RASAL2: variants seen among roughly 807,000 people sequenced by gnomAD.
RASAL2 encodes ras GTPase-activating protein nGAP.
A neutral mutation model predicts 128.9 loss-of-function variants in RASAL2; 58 were observed. The ratio of observed to expected loss-of-function variants is 0.45; its 90% confidence interval spans 0.36 to 0.56. The LOEUF is 0.56. RASAL2 is among the 20% of genes least tolerant of loss of function. The pLI, the probability that RASAL2 is intolerant of heterozygous loss-of-function variation, is 0.00. For missense variants in RASAL2, 1,360 were observed against 1,601.6 expected (o/e 0.85, Z 2.57); for synonymous variants, 561 against 580.8 (o/e 0.97, Z 0.49).
At chr1:178,340,118 C>A (rs1322634510) in intron 3 of RASAL2, among the ~76,000 whole-genome samples, 2 of 151,958 alleles carry the variant, frequency 1.3e-5, no homozygotes, top group Non-Finnish European at 2.9e-5. Context: ...ACTATGTGCT[C>A]CTCATTTTAA....
In RASAL2 at chr1:178,258,065, C is replaced by T. The variant is rs576814363; in HGVS notation, c.203-25499C>T. Reference sequence around the variant, plus strand: ...ATCCCAGCACTTTGGGAGGTCAAGGCGGGCGGATCATGAGGTCAGGAGATG... The same window carrying T: ...ATCCCAGCACTTTGGGAGGTCAAGGTGGGCGGATCATGAGGTCAGGAGATG... On this transcript the variant is annotated intron_variant, in intron 1 of 17. Coordinates refer to ENST00000367649, the MANE Select transcript of RASAL2 (RefSeq NM_170692.4). 1.1e-3 allele frequency among the ~76,000 whole-genome samples: 167 copies of T among 151,918 alleles called. 1 individual carries two copies. Among genetic ancestry groups the T allele is most frequent in the African/African-American group, 3.7e-3 (155 of 41,472 alleles).
chr1:178,253,789 T>G (rs148630568), intron 1 of RASAL2, among the ~76,000 whole-genome samples: 3 of 152,172 alleles, frequency 2.0e-5, no homozygotes, highest in African/African-American at 7.2e-5. Flanking sequence ...CCATTTTCAC[T>G]TCTTTTATGG....
intron 1 of RASAL2, among the ~76,000 whole-genome samples, chr1:178,246,373 A>G (rs1031194935): frequency 3.3e-5 from 5 of 151,872 alleles, no homozygotes; most frequent in African/African-American, 4.8e-5. Flanking sequence ...CTGCTTGTCT[A>G]TTATTGGTGT....
At chr1:178,293,181 G>A (rs558183231) in intron 2 of RASAL2, among the ~76,000 whole-genome samples, 3 of 151,948 alleles carry the variant, frequency 2.0e-5, no homozygotes, top group Admixed American at 6.6e-5. Context: ...TTTCTCCCCC[G>A]TAACAAATTT....
At chr1:178,413,238 G>A (rs1456706044) in intron 4 of RASAL2, among the ~76,000 whole-genome samples, 2 of 152,170 alleles carry the variant, frequency 1.3e-5, no homozygotes, top group African/African-American at 4.8e-5. Context: ...GGGATTACAG[G>A]CATGAGCCAC....
At chr1:178,176,312 C>G (rs1661889752) in intron 1 of RASAL2, among the ~76,000 whole-genome samples, 1 of 151,976 alleles carries the variant, frequency 6.6e-6, no homozygotes, top group South Asian at 2.1e-4. Context: ...TTGCATTTCC[C>G]TGATGTTGAG....
intron 1 of RASAL2, among the ~76,000 whole-genome samples, chr1:178,241,368 A>G (rs971069182): frequency 9.2e-5 from 14 of 152,206 alleles, no homozygotes; most frequent in South Asian, 4.1e-4. Flanking sequence ...GTAATTTTCA[A>G]TCTCTTTCAC....
At chr1:178,378,442 G>T (rs1478823474) in intron 3 of RASAL2, among the ~76,000 whole-genome samples, 2 of 152,032 alleles carry the variant, frequency 1.3e-5, no homozygotes, top group Non-Finnish European at 2.9e-5. Flanking sequence ...ATTCAAAAAT[G>T]CAGTAAGCTT....
intron 1 of RASAL2, among the ~76,000 whole-genome samples, chr1:178,244,182 T>C (rs1446995971): frequency 6.6e-6 from 1 of 152,184 alleles, no homozygotes; most frequent in Non-Finnish European, 1.5e-5. Flanking sequence ...GGGGATAGTA[T>C]TAAGTTGTAT....
At chr1:178,370,560 A>G (rs1399843490) in intron 3 of RASAL2, among the ~76,000 whole-genome samples, 3 of 152,196 alleles carry the variant, frequency 2.0e-5, no homozygotes, top group African/African-American at 4.8e-5. Flanking sequence ...TATTTTCTCA[A>G]TCGTGTGGTA....
At chr1:178,118,060 A>T (rs1482506807) in intron 1 of RASAL2, among the ~76,000 whole-genome samples, 1 of 151,690 alleles carries the variant, frequency 6.6e-6, no homozygotes, top group Non-Finnish European at 1.5e-5. Context: ...GCTACTTAGG[A>T]GGTTGAGGCA....
intron 4 of RASAL2, among the ~76,000 whole-genome samples, chr1:178,414,279 A>C (rs1674605777): frequency 6.6e-6 from 1 of 152,190 alleles, no homozygotes; most frequent in Non-Finnish European, 1.5e-5. Context: ...TGAAAAGATC[A>C]CTGTTTGCCA....
chr1:178,422,068 A>G (rs1675181735), intron 5 of RASAL2, among the ~76,000 whole-genome samples: 1 of 152,132 alleles, frequency 6.6e-6, no homozygotes, highest in Non-Finnish European at 1.5e-5. Flanking sequence ...AACACTCCCA[A>G]TTCAATAGGC....
chr1:178,177,808 A>T (rs1200900504), intron 1 of RASAL2, among the ~76,000 whole-genome samples: 1 of 152,192 alleles, frequency 6.6e-6, no homozygotes, highest in East Asian at 1.9e-4. Flanking sequence ...CTATAGTATA[A>T]ATAACTAACT....
At chr1:178,403,362 C>T (rs913555320) in intron 4 of RASAL2, among the ~76,000 whole-genome samples, 4 of 152,096 alleles carry the variant, frequency 2.6e-5, no homozygotes, top group Admixed American at 6.5e-5. Context: ...TATTAAGTAG[C>T]CCACTGTATG....
intron 3 of RASAL2, among the ~76,000 whole-genome samples, chr1:178,301,017 G>T (rs550999770): frequency 1.5e-4 from 23 of 152,226 alleles, no homozygotes; most frequent in African/African-American, 5.5e-4. Flanking sequence ...CTAAAATCAT[G>T]GTTTGGTTTG....
chr1:178,131,154 T>G (rs1660099299), intron 1 of RASAL2, among the ~76,000 whole-genome samples: 1 of 151,730 alleles, frequency 6.6e-6, no homozygotes, highest in Admixed American at 6.6e-5. Flanking sequence ...ATAATTAGAG[T>G]AAAACCCAGT....
At chr1:178,401,598 C>T (rs778120218) in intron 4 of RASAL2, among the ~76,000 whole-genome samples, 2 of 152,110 alleles carry the variant, frequency 1.3e-5, no homozygotes, top group Non-Finnish European at 1.5e-5. Context: ...GATGATTGTT[C>T]TGTGAATAGC....
chr1:178,386,700 C>T (rs1394259358), intron 3 of RASAL2, among the ~76,000 whole-genome samples: 1 of 152,180 alleles, frequency 6.6e-6, no homozygotes, highest in Non-Finnish European at 1.5e-5. Flanking sequence ...CTGTATCTCT[C>T]TTGTCTCATC....
Sources: allele counts gnomAD v4.1 joint callset (sites outside exome capture counted in the v4.1 genomes callset), GRCh38; gene constraint gnomAD v4.1.1; transcripts MANE v1.5; gene names NCBI Gene and HGNC (gene_info 2026-07-23, HGNC 2026-07-21).